The following CLEC16A variants were observed in gnomAD, a reference collection of about 807,000 sequenced individuals.
The protein encoded by CLEC16A is C-type lectin domain containing 16A.
CLEC16A carries 51 observed loss-of-function variants against 109.5 expected under a neutral mutation model. That is an observed-to-expected ratio of 0.47 (90% confidence interval 0.37 to 0.59). The LOEUF (loss-of-function observed/expected upper bound fraction) is 0.59. Ranked by LOEUF, CLEC16A falls within the 20% of genes least tolerant of loss-of-function variation. The pLI, the probability that CLEC16A is intolerant of heterozygous loss-of-function variation, is 0.00. For synonymous variants in CLEC16A, 673 were observed against 564.2 expected (o/e 1.19, Z -2.73); for missense variants, 1,339 against 1,394.0 (o/e 0.96, Z 0.63).
Position 11,179,568 on chromosome 16 carries a change from C to G in CLEC16A, c.*878C>G, listed in dbSNP as rs201627775. 5.3e-5 allele frequency: 8 copies of G among 152,236 alleles called. No individual in the cohort carries two copies. Among genetic ancestry groups the G allele is most frequent in the Non-Finnish European group, 1.2e-4 (8 of 68,058 alleles). The allele number at this position is 152,236 out of a possible 1,614,324, so 9.4% of individuals were successfully genotyped here. On this transcript the variant is annotated 3_prime_UTR_variant, in exon 24 of 24. Coordinates refer to ENST00000409790, the MANE Select transcript of CLEC16A (RefSeq NM_015226.3). ...CCCCACTCAGGACGCTTCCTCATTT[C>G]TCTTCACCAAAACCAAACAGAGACA...
intron 2 of CLEC16A, 43 bp from the exon 3 acceptor site, chr16:10,962,412 C>A: frequency 6.2e-7 from 1 of 1,612,342 alleles, no homozygotes; most frequent in Non-Finnish European, 8.5e-7. Flanking sequence ...TCTGTTTCCA[C>A]ATGTGGAAGC....
chr16:10,950,967 G>A (rs1053032098), intron 1 of CLEC16A, among the ~76,000 whole-genome samples: 2 of 152,238 alleles, frequency 1.3e-5, no homozygotes, highest in Admixed American at 1.3e-4. Context: ...TGCAGAAAAT[G>A]CTGTCACTGA....
chr16:11,146,221 T>C (rs573086502), intron 22 of CLEC16A, among the ~76,000 whole-genome samples: 6 of 152,298 alleles, frequency 3.9e-5, no homozygotes, highest in Admixed American at 1.3e-4. Context: ...ACCTTGCTCA[T>C]TCCTTCAGAG....
At chr16:11,027,795 A>G (rs1379985543) in intron 13 of CLEC16A, 33 of 921,520 alleles carry the variant, frequency 3.6e-5, no homozygotes, top group Non-Finnish European at 2.4e-5. Context: ...TATATTTTTG[A>G]TCAATGAAGT....
At chr16:11,086,204 A>G (rs934359357) in intron 19 of CLEC16A, among the ~76,000 whole-genome samples, 2 of 152,138 alleles carry the variant, frequency 1.3e-5, no homozygotes, top group African/African-American at 4.8e-5. Flanking sequence ...AGGCTCAAGG[A>G]GGGCCCTGGG....
chr16:10,948,107 A>G (rs958018639), intron 1 of CLEC16A, among the ~76,000 whole-genome samples: 5 of 152,052 alleles, frequency 3.3e-5, no homozygotes, highest in East Asian at 1.9e-4. Context: ...GTTAGCCAGG[A>G]TGGTCTCGAT....
chr16:11,018,361 C>T (rs1301128200), intron 11 of CLEC16A, among the ~76,000 whole-genome samples: 2 of 151,632 alleles, frequency 1.3e-5, no homozygotes, highest in African/African-American at 4.9e-5. Flanking sequence ...GTGAACTGAG[C>T]CTTGAATGAT....
intron 10 of CLEC16A, among the ~76,000 whole-genome samples, chr16:10,986,795 C>A (rs1432520009): frequency 6.7e-6 from 1 of 148,886 alleles, no homozygotes; most frequent in East Asian, 2.0e-4. Context: ...CTTTTTCTTT[C>A]TTTATCCATT....
chr16:11,104,823 C>T lies in CLEC16A; in HGVS notation c.2117-15792C>T, dbSNP rs529485130. Among the ~76,000 whole-genome samples, 15 of 152,324 alleles carry T rather than the reference C, an allele frequency of 9.8e-5. No individual in the cohort carries two copies. The East Asian group carries it at 2.9e-3, about 29-fold the overall frequency. ...TCCCTGTAGCCCAGTACCCGACACA[C>T]AGTAGCCCCATAGCCCTAGGCACAA... On this transcript the variant is annotated intron_variant, in intron 19 of 23. Transcript: ENST00000409790.
intron 13 of CLEC16A, 81 bp downstream of exon 13, chr16:11,025,002 A>C (rs1298449699): frequency 9.6e-7 from 1 of 1,038,120 alleles, no homozygotes; most frequent in Non-Finnish European, 1.5e-6. Context: ...CATGGAGGAC[A>C]AAGAAAGGTG....
At chr16:11,140,428 G>T (rs192117216) in intron 22 of CLEC16A, among the ~76,000 whole-genome samples, 3 of 152,196 alleles carry the variant, frequency 2.0e-5, no homozygotes, top group African/African-American at 7.2e-5. Context: ...GGAGAAAAAC[G>T]TTCTTTTTTT....
At chr16:11,122,227 CTCT>C (rs1248574730) in intron 20 of CLEC16A, among the ~76,000 whole-genome samples, 1 of 152,234 alleles carries the variant, frequency 6.6e-6, no homozygotes, top group Non-Finnish European at 1.5e-5. Flanking sequence ...CCCCAGCCTC[CTCT>C]TCTTCAGGAT....
At position 11,174,362 on chromosome 16, in the gene CLEC16A, G is replaced by T. The variant is rs1446690630; in HGVS notation, c.2807-3973G>T. The T allele has an allele frequency of 2.6e-6, 1 of 391,704 alleles. No homozygotes were observed. The highest frequency in any genetic ancestry group is 5.3e-6 in the Non-Finnish European group (1 of 188,746). 24.3% of individuals were successfully genotyped at this position (391,704 alleles called of 1,614,324 possible). ...CAGTCGGCAGGGTCCGCGCTGGCAA[G>T]GTGGGCCAAGCTGGGCCTGAGCACA... On this transcript the variant is annotated intron_variant, in intron 23 of 23. Transcript: ENST00000409790. The surrounding 1 kb of genome is among the most constrained non-coding windows in gnomAD (Gnocchi z 4.7).
At chr16:11,065,140 C>T (rs2048694229) in intron 19 of CLEC16A, among the ~76,000 whole-genome samples, 2 of 152,198 alleles carry the variant, frequency 1.3e-5, no homozygotes, top group South Asian at 4.1e-4. Flanking sequence ...CAGTGTGCCT[C>T]CTGAACAGGG....
intron 13 of CLEC16A, among the ~76,000 whole-genome samples, chr16:11,031,379 C>T (rs753092757): frequency 5.9e-5 from 9 of 152,188 alleles, no homozygotes; most frequent in South Asian, 2.1e-4. Flanking sequence ...CTGACCTGTA[C>T]GGGGAGCAGA....
intron 19 of CLEC16A, among the ~76,000 whole-genome samples, chr16:11,113,557 C>T (rs568299649): frequency 1.2e-3 from 175 of 151,908 alleles, no homozygotes; most frequent in African/African-American, 4.0e-3. Flanking sequence ...AACTTGGGAG[C>T]CTGAGGTGAG....
intron 13 of CLEC16A, among the ~76,000 whole-genome samples, chr16:11,033,943 G>T: frequency 6.6e-6 from 1 of 152,166 alleles, no homozygotes; most frequent in South Asian, 2.1e-4. Flanking sequence ...GAGGGATGGG[G>T]GTGAGTTTTA....
At chr16:10,955,104 C>T (rs889866781) in intron 1 of CLEC16A, among the ~76,000 whole-genome samples, 1 of 152,220 alleles carries the variant, frequency 6.6e-6, no homozygotes, top group African/African-American at 2.4e-5. Flanking sequence ...TTGTCCAAGG[C>T]CACAGTTAGG....
At chr16:11,031,713 C>T (rs1191164034) in intron 13 of CLEC16A, among the ~76,000 whole-genome samples, 6 of 152,128 alleles carry the variant, frequency 3.9e-5, no homozygotes, top group African/African-American at 1.2e-4. Context: ...AGGAGACAGA[C>T]AGTAAACTAG....
Sources: gnomAD v4.1 joint callset for allele counts (sites outside exome capture counted in the v4.1 genomes callset) on GRCh38, gnomAD v4.1.1 for gene constraint, Gnocchi (gnomAD v3.1) non-coding constraint, MANE v1.5 for transcripts, NCBI Gene and HGNC (gene_info 2026-07-23, HGNC 2026-07-21) for gene names.